The following STX8 variants were observed in gnomAD, a reference collection of about 807,000 sequenced individuals.
STX8 encodes syntaxin-8.
Under a neutral mutation model 37.5 loss-of-function variants are expected in STX8, and 23 were observed. The observed-to-expected ratio is 0.61, with a 90% CI of 0.44 to 0.87. The LOEUF (loss-of-function observed/expected upper bound fraction) is 0.87. STX8 is among the 40% of genes least tolerant of loss of function. The pLI is 0.00. For synonymous variants in STX8, 115 were observed against 99.1 expected (o/e 1.16, Z -0.95); for missense variants, 313 against 284.7 (o/e 1.10, Z -0.71).
At position 9,449,992 on chromosome 17, in the gene STX8, C is replaced by A. The variant is rs953076388; in HGVS notation, c.541+41837G>T. On this transcript the variant is annotated intron_variant, in intron 6 of 7. Coordinates refer to ENST00000306357, the MANE Select transcript of STX8 (RefSeq NM_004853.3). Reference sequence around the variant, plus strand: ...AAATAAATAAAGGAGAATGAAAGAACCTTTGAAGGTGATGGACTTGTTTTA... The same window carrying A: ...AAATAAATAAAGGAGAATGAAAGAAACTTTGAAGGTGATGGACTTGTTTTA... 9.9e-5 allele frequency among the ~76,000 whole-genome samples: 15 copies of A among 151,732 alleles called. 1 individual carries two copies. The highest frequency in any genetic ancestry group is 2.4e-4 in the African/African-American group (10 of 41,124).
intron 2 of STX8, among the ~76,000 whole-genome samples, chr17:9,565,915 A>G (rs1263314244): frequency 6.6e-6 from 1 of 152,198 alleles, no homozygotes; most frequent in Non-Finnish European, 1.5e-5. Context: ...ATTTCAGGAC[A>G]AAGACATCAA....
intron 7 of STX8, among the ~76,000 whole-genome samples, chr17:9,324,617 T>C (rs940581545): frequency 1.3e-5 from 2 of 151,640 alleles, no homozygotes; most frequent in African/African-American, 2.4e-5. Flanking sequence ...ACAAAAAAAT[T>C]AGCTGGGCGT....
At chr17:9,253,513 TGAG>T (rs772329537) in intron 7 of STX8, among the ~76,000 whole-genome samples, 1 of 151,822 alleles carries the variant, frequency 6.6e-6, no homozygotes, top group Non-Finnish European at 1.5e-5. Flanking sequence ...TTGCGCAACA[TGAG>T]GAGAAGATAA....
chr17:9,335,843 ACACACT>A (rs912733326), intron 7 of STX8, among the ~76,000 whole-genome samples: 7 of 149,130 alleles, frequency 4.7e-5, no homozygotes, highest in East Asian at 2.0e-4. Context: ...ACACACACAC[ACACACT>A]CACACTCACG....
chr17:9,328,367 C>A (rs768815204), intron 7 of STX8, among the ~76,000 whole-genome samples: 113 of 152,062 alleles, frequency 7.4e-4, no homozygotes, highest in Non-Finnish European at 1.2e-3. Flanking sequence ...AAAGAGACAG[C>A]CTTTGAGGCC....
chr17:9,525,626 G>A (rs546324882), intron 4 of STX8, among the ~76,000 whole-genome samples: 62 of 152,254 alleles, frequency 4.1e-4, no homozygotes, highest in African/African-American at 1.4e-3. Context: ...GATTACAAGC[G>A]TGAGCCACCG....
At chr17:9,364,555 T>A (rs7220809) in intron 7 of STX8, among the ~76,000 whole-genome samples, 47,743 of 151,268 alleles carry the variant, frequency 0.32, 9,039 homozygotes, top group African/African-American at 0.55. Flanking sequence ...TTTGAGACAG[T>A]TTTTTGCTCT....
At chr17:9,497,732 C>G (rs1187782229) in intron 5 of STX8, among the ~76,000 whole-genome samples, 1 of 152,242 alleles carries the variant, frequency 6.6e-6, no homozygotes, top group Non-Finnish European at 1.5e-5. Flanking sequence ...TGACTGTCTT[C>G]TTTTCCTGTG....
intron 7 of STX8, among the ~76,000 whole-genome samples, chr17:9,376,650 C>A (rs115781717): frequency 0.019 from 2,924 of 152,298 alleles, 90 homozygotes; most frequent in African/African-American, 0.065. Context: ...TCCGCACCAC[C>A]TTTGTGAGCA....
rs368205005 is a variant in STX8, at chr17:9,275,050, C to T, written c.644-24405G>A. 2.1e-4 allele frequency among the ~76,000 whole-genome samples: 32 copies of T among 152,044 alleles called. No homozygotes were observed. The South Asian group carries it at 6.0e-3, about 29-fold the overall frequency. ...ACAGGCATGAGCCACCGCGCCTGGC[C>T]CAACAATTTCTTTATGATGTCTCTA... On this transcript the variant is annotated intron_variant, in intron 7 of 7. Coordinates refer to ENST00000306357, the MANE Select transcript of STX8 (RefSeq NM_004853.3).
intron 6 of STX8, among the ~76,000 whole-genome samples, chr17:9,446,184 T>C (rs1235995456): frequency 1.3e-5 from 2 of 152,146 alleles, no homozygotes; most frequent in African/African-American, 4.8e-5. Context: ...GAAAACAGAA[T>C]AATTACATGG....
chr17:9,443,142 GTCC>G (rs556549958), intron 6 of STX8, among the ~76,000 whole-genome samples: 2 of 152,276 alleles, frequency 1.3e-5, no homozygotes, highest in Admixed American at 6.5e-5. Context: ...TCTGTAATGT[GTCC>G]TCCTTGCAGG....
intron 7 of STX8, among the ~76,000 whole-genome samples, chr17:9,254,588 G>A (rs969802203): frequency 2.6e-5 from 4 of 152,050 alleles, no homozygotes; most frequent in African/African-American, 9.7e-5. Flanking sequence ...TAGAGACAGG[G>A]TTTCACCATG....
At chr17:9,259,473 G>A (rs1308723903) in intron 7 of STX8, among the ~76,000 whole-genome samples, 1 of 152,206 alleles carries the variant, frequency 6.6e-6, no homozygotes, top group Non-Finnish European at 1.5e-5. Flanking sequence ...AGGAACACCT[G>A]GGTGGCATTT....
rs1567549752 is a variant in STX8, at chr17:9,414,105, T to TAC, written c.542-35453_542-35452insGT. 1.1e-3 allele frequency among the ~76,000 whole-genome samples: 18 copies of TAC among 15,916 alleles called. 1 individual carries two copies. The highest frequency in any genetic ancestry group is 4.4e-3 in the African/African-American group (15 of 3,372). 10.4% of individuals were successfully genotyped at this position (15,916 alleles called of 152,430 possible). A position where few individuals can be genotyped will look rare whatever the true frequency, so the allele number is the denominator to read the frequency against. On this transcript the variant is annotated intron_variant, in intron 6 of 7. Coordinates refer to ENST00000306357, the MANE Select transcript of STX8 (RefSeq NM_004853.3). ...GTCCATCCATCCATCCATCCATCCA[T>TAC]CCATCCATCCATCCATCCATCCAAC...
intron 7 of STX8, among the ~76,000 whole-genome samples, chr17:9,291,975 C>T (rs1487371085): frequency 1.3e-5 from 2 of 152,186 alleles, no homozygotes; most frequent in African/African-American, 4.8e-5. Flanking sequence ...CTTTCAAATC[C>T]TCCCGCCTTG....
intron 6 of STX8, among the ~76,000 whole-genome samples, chr17:9,434,065 G>A (rs62068377): frequency 0.022 from 3,387 of 152,062 alleles, 55 homozygotes; most frequent in Non-Finnish European, 0.032. Context: ...GTGCACTGGC[G>A]CAATCTCGGC....
At chr17:9,395,376 C>T (rs1912364667) in intron 6 of STX8, among the ~76,000 whole-genome samples, 1 of 152,060 alleles carries the variant, frequency 6.6e-6, no homozygotes, top group Non-Finnish European at 1.5e-5. Flanking sequence ...CTGAGGCGGG[C>T]ACATCAATCA....
chr17:9,533,255 T>C (rs1905889857), intron 4 of STX8, among the ~76,000 whole-genome samples: 1 of 151,926 alleles, frequency 6.6e-6, no homozygotes, highest in African/African-American at 2.4e-5. Flanking sequence ...ATCACCGGAG[T>C]TCAGGAGTTC....
Sources: gnomAD v4.1 joint callset for allele counts (sites outside exome capture counted in the v4.1 genomes callset) on GRCh38, gnomAD v4.1.1 for gene constraint, MANE v1.5 for transcripts, NCBI Gene and HGNC (gene_info 2026-07-23, HGNC 2026-07-21) for gene names.